FHIT: variants seen among roughly 807,000 people sequenced by gnomAD.
FHIT encodes the protein fragile histidine triad diadenosine triphosphatase, also known as bis(5'-adenosyl)-triphosphatase.
Under a neutral mutation model 17.9 loss-of-function variants are expected in FHIT, and 19 were observed. That is an observed-to-expected ratio of 1.06 (90% confidence interval 0.74 to 1.56). FHIT has a LOEUF of 1.56. Among genes scored for constraint, FHIT ranks in the 40% most tolerant of loss-of-function variants. The pLI, the probability that FHIT is intolerant of heterozygous loss-of-function variation, is 0.00. For missense variants in FHIT, 248 were observed against 189.2 expected (o/e 1.31, Z -1.82); for synonymous variants, 81 against 69.7 (o/e 1.16, Z -0.81).
chr3:60,505,751 G>A (rs1213732065), intron 5 of FHIT, among the ~76,000 whole-genome samples: 1 of 152,148 alleles, frequency 6.6e-6, no homozygotes, highest in Admixed American at 6.5e-5. Context: ...TGGCCAAGAT[G>A]TTGACAAACT....
intron 5 of FHIT, among the ~76,000 whole-genome samples, chr3:60,057,786 C>T (rs1702140460): frequency 6.6e-6 from 1 of 151,842 alleles, no homozygotes; most frequent in Non-Finnish European, 1.5e-5. Flanking sequence ...GGATTGCTTC[C>T]TTGCCTCTCC....
chr3:60,753,581 T>C (rs2042512485), intron 4 of FHIT, among the ~76,000 whole-genome samples: 1 of 152,242 alleles, frequency 6.6e-6, no homozygotes. Flanking sequence ...CATTCTTCTC[T>C]TGAAGGAAAT....
intron 3 of FHIT, among the ~76,000 whole-genome samples, chr3:61,034,574 A>G (rs749032262): frequency 6.6e-6 from 1 of 152,184 alleles, no homozygotes; most frequent in Non-Finnish European, 1.5e-5. Flanking sequence ...TGAAAACCAC[A>G]ATGACATGCT....
At chr3:59,922,441 A>T (rs769701116) in intron 7 of FHIT, 27 bp from the exon 8 acceptor site, 20 of 1,587,402 alleles carry the variant, frequency 1.3e-5, no homozygotes, top group Non-Finnish European at 1.6e-5. Context: ...AAGAAAAAAA[A>T]TGTGATTATC....
intron 3 of FHIT, among the ~76,000 whole-genome samples, chr3:60,896,665 C>A (rs1705838511): frequency 2.6e-5 from 4 of 152,184 alleles, no homozygotes; most frequent in Admixed American, 2.6e-4. Context: ...TGGGCAGGTA[C>A]CTTCCAACCA....
At chr3:61,044,478 C>G (rs1025056660) in intron 2 of FHIT, among the ~76,000 whole-genome samples, 38 of 152,174 alleles carry the variant, frequency 2.5e-4, no homozygotes, top group Admixed American at 2.2e-3. Context: ...TAATACGGGA[C>G]TATGTGAAAA....
chr3:61,213,883 G>A (rs528369837), intron 1 of FHIT, among the ~76,000 whole-genome samples: 2 of 152,168 alleles, frequency 1.3e-5, no homozygotes, highest in Non-Finnish European at 2.9e-5. Flanking sequence ...CATGGAAACT[G>A]AACAACCTGC....
chr3:59,995,974 A>T (rs1178331031), intron 7 of FHIT, among the ~76,000 whole-genome samples: 1 of 152,054 alleles, frequency 6.6e-6, no homozygotes, highest in African/African-American at 2.4e-5. Flanking sequence ...ACTACTATAG[A>T]TGAAGAAGAA....
intron 4 of FHIT, among the ~76,000 whole-genome samples, chr3:60,724,349 G>C (rs542805431): frequency 6.6e-6 from 1 of 152,154 alleles, no homozygotes; most frequent in Non-Finnish European, 1.5e-5. Context: ...TTCATTGCAT[G>C]GATATACCAC....
intron 3 of FHIT, among the ~76,000 whole-genome samples, chr3:60,883,952 C>G (rs1553758642): frequency 2.0e-5 from 3 of 152,112 alleles, no homozygotes; most frequent in African/African-American, 7.2e-5. Flanking sequence ...AAAATATTTG[C>G]AAACTATCCA....
chr3:60,110,207 T>G (rs1188495988), intron 5 of FHIT, among the ~76,000 whole-genome samples: 1 of 152,152 alleles, frequency 6.6e-6, no homozygotes, highest in Non-Finnish European at 1.5e-5. Context: ...CAAAATAATT[T>G]GGAATTTTTG....
intron 3 of FHIT, among the ~76,000 whole-genome samples, chr3:60,927,288 C>T (rs569257475): frequency 1.3e-5 from 2 of 152,262 alleles, no homozygotes; most frequent in Non-Finnish European, 2.9e-5. Flanking sequence ...GACAGAGTCT[C>T]GCTCACTCAG....
At chr3:60,529,187 G>A (rs758163263) in intron 5 of FHIT, among the ~76,000 whole-genome samples, 1 of 152,172 alleles carries the variant, frequency 6.6e-6, no homozygotes, top group African/African-American at 2.4e-5. Flanking sequence ...TAATTAGTTT[G>A]AGAAAGGAAA....
intron 5 of FHIT, among the ~76,000 whole-genome samples, chr3:60,231,752 G>A (rs1704506771): frequency 6.6e-6 from 1 of 152,128 alleles, no homozygotes; most frequent in African/African-American, 2.4e-5. Context: ...TGAGCACATT[G>A]ATGTGTAAAA....
chr3:61,210,555 C>T (rs1156686731), intron 1 of FHIT, among the ~76,000 whole-genome samples: 1 of 152,232 alleles, frequency 6.6e-6, no homozygotes, highest in Non-Finnish European at 1.5e-5. Context: ...TGATCTCAGA[C>T]TGCTGTGCTA....
intron 4 of FHIT, among the ~76,000 whole-genome samples, chr3:60,795,501 G>GT (rs1201711350): frequency 8.5e-4 from 100 of 118,340 alleles, no homozygotes; most frequent in African/African-American, 2.8e-3. Context: ...TTTTTCCTTT[G>GT]TTTTTTGTTT....
Position 60,751,321 on chromosome 3 carries a change from C to A in FHIT, c.-18+70598G>T, listed in dbSNP as rs147356681. 3.3e-3 allele frequency among the ~76,000 whole-genome samples: 501 copies of A among 152,316 alleles called. 5 individuals carry two copies. The highest frequency in any genetic ancestry group is 0.012 in the African/African-American group (483 of 41,572). On this transcript the variant is annotated intron_variant, in intron 4 of 9. Transcript: ENST00000492590. ...TCAATGGATACTTAGAGTGAGACAG[C>A]ACCAAATTATTTTTCTCACTTTAAT...
At chr3:61,092,158 ATGACCAC>A (rs1208886408) in intron 2 of FHIT, among the ~76,000 whole-genome samples, 12 of 151,972 alleles carry the variant, frequency 7.9e-5, no homozygotes, top group Admixed American at 5.9e-4. Flanking sequence ...CCTTGGTCAC[ATGACCAC>A]TGCTTGGCCT....
At chr3:59,872,927 AG>A (rs146586246) in intron 8 of FHIT, among the ~76,000 whole-genome samples, 337 of 152,324 alleles carry the variant, frequency 2.2e-3, no homozygotes, top group African/African-American at 7.8e-3. Context: ...TCCCATGAAA[AG>A]AGATCTTGTT....
Sources: allele counts gnomAD v4.1 joint callset (sites outside exome capture counted in the v4.1 genomes callset), GRCh38; gene constraint gnomAD v4.1.1; transcripts MANE v1.5; gene names NCBI Gene and HGNC (gene_info 2026-07-23, HGNC 2026-07-21).